Variants in GABRB1 observed in about 807,000 individuals in gnomAD.
The protein encoded by GABRB1 is gamma-aminobutyric acid receptor subunit beta-1.
Under a neutral mutation model 51.6 loss-of-function variants are expected in GABRB1, and 17 were observed. That is an observed-to-expected ratio of 0.33 (90% CI 0.23 to 0.49). The LOEUF (loss-of-function observed/expected upper bound fraction) is 0.49, where lower values mean the gene tolerates loss of function less well. GABRB1 is among the 20% of genes least tolerant of loss of function. GABRB1 has a pLI of 0.99. For missense variants in GABRB1, 410 were observed against 600.6 expected, an observed-to-expected ratio of 0.68 and a Z score of 3.32; for synonymous variants, 247 against 218.9, an observed-to-expected ratio of 1.13 and a Z score of -1.14.
intron 4 of GABRB1, among the ~76,000 whole-genome samples, chr4:47,238,572 G>A (rs1721409340): frequency 6.6e-6 from 1 of 152,092 alleles, no homozygotes; most frequent in African/African-American, 2.4e-5. Context: ...AACATGCTCG[G>A]AAAATCCAGT....
chr4:47,156,950 A>G (rs1319333944), intron 3 of GABRB1, among the ~76,000 whole-genome samples: 1 of 152,144 alleles, frequency 6.6e-6, no homozygotes, highest in Non-Finnish European at 1.5e-5. Context: ...CCTGGGTGAC[A>G]GAGCAAGACT....
At position 47,330,391 on chromosome 4, in the gene GABRB1, C is replaced by A. The variant is rs566632515; in HGVS notation, c.544+10182C>A. 2.2e-4 allele frequency among the ~76,000 whole-genome samples: 33 copies of A among 152,252 alleles called. 1 individual carries two copies. In the South Asian group the frequency reaches 6.8e-3, roughly 32 times the overall value. ...TGCTAGATTTGAACCCATTCAATTC[C>A]ATTTAATTCAACTAGCACTTCTTAA... On this transcript the variant is annotated intron_variant, in intron 5 of 8. Transcript: ENST00000295454.
At chr4:47,075,346 G>A (rs150229945) in intron 3 of GABRB1, among the ~76,000 whole-genome samples, 29 of 152,214 alleles carry the variant, frequency 1.9e-4, no homozygotes, top group African/African-American at 2.9e-4. Flanking sequence ...ACCGGATGCC[G>A]TTACAGTAAT....
At chr4:47,138,295 C>T (rs1236410231) in intron 3 of GABRB1, among the ~76,000 whole-genome samples, 5 of 151,936 alleles carry the variant, frequency 3.3e-5, no homozygotes, top group South Asian at 2.1e-4. Context: ...TGGCTTTTAT[C>T]GATTTGTATC....
chr4:47,034,766 G>T (rs1336278550), intron 3 of GABRB1, among the ~76,000 whole-genome samples: 1 of 152,068 alleles, frequency 6.6e-6, no homozygotes, highest in Non-Finnish European at 1.5e-5. Flanking sequence ...TTAAAATTGA[G>T]GGTTCTGTAT....
intron 4 of GABRB1, among the ~76,000 whole-genome samples, chr4:47,238,127 T>G (rs1426268653): frequency 6.6e-6 from 1 of 152,044 alleles, no homozygotes; most frequent in Non-Finnish European, 1.5e-5. Flanking sequence ...ATGAAGGATA[T>G]TACAGGCAAA....
chr4:47,364,975 C>T (rs189710281), intron 5 of GABRB1, among the ~76,000 whole-genome samples: 8 of 152,222 alleles, frequency 5.3e-5, no homozygotes, highest in Non-Finnish European at 8.8e-5. Flanking sequence ...ACCATGGCAA[C>T]AAGAAATTCT....
intron 4 of GABRB1, among the ~76,000 whole-genome samples, chr4:47,180,064 G>A (rs188406667): frequency 6.6e-6 from 1 of 152,090 alleles, no homozygotes; most frequent in African/African-American, 2.4e-5. Context: ...TTAAGAGGAT[G>A]TCAATCTCTT....
chr4:47,119,510 CTTT>C (rs71195603), intron 3 of GABRB1, among the ~76,000 whole-genome samples: 10 of 139,180 alleles, frequency 7.2e-5, no homozygotes, highest in Non-Finnish European at 7.9e-5. Context: ...CTTTTTCTTT[CTTT>C]TTTTTTTTTT....
chr4:47,040,382 C>A (rs1725787510), intron 3 of GABRB1, among the ~76,000 whole-genome samples: 1 of 152,032 alleles, frequency 6.6e-6, no homozygotes, highest in South Asian at 2.1e-4. Context: ...CTAGTACTTT[C>A]CATAGGAATA....
intron 4 of GABRB1, among the ~76,000 whole-genome samples, chr4:47,270,348 A>G (rs1336527744): frequency 6.6e-6 from 1 of 152,188 alleles, no homozygotes; most frequent in Non-Finnish European, 1.5e-5. Flanking sequence ...AAGTGAGTAC[A>G]AATCAGAAGA....
intron 4 of GABRB1, among the ~76,000 whole-genome samples, chr4:47,290,874 T>A (rs562250573): frequency 6.6e-6 from 1 of 152,174 alleles, no homozygotes; most frequent in South Asian, 2.1e-4. Flanking sequence ...TTCAGTTTCA[T>A]AAGGGAAGCA....
At chr4:47,026,260 G>C (rs895162682) in intron 1 of GABRB1, among the ~76,000 whole-genome samples, 2 of 151,910 alleles carry the variant, frequency 1.3e-5, no homozygotes, top group African/African-American at 4.8e-5. Flanking sequence ...ACTTATTGTT[G>C]CATAGTTCTA....
chr4:47,345,950 C>G (rs1726072222), intron 5 of GABRB1, among the ~76,000 whole-genome samples: 1 of 151,988 alleles, frequency 6.6e-6, no homozygotes, highest in Non-Finnish European at 1.5e-5. Flanking sequence ...AGTTTTCCCA[C>G]AATGCCCCAC....
chr4:47,109,883 A>C (rs985302242), intron 3 of GABRB1, among the ~76,000 whole-genome samples: 1 of 152,058 alleles, frequency 6.6e-6, no homozygotes, highest in African/African-American at 2.4e-5. Context: ...CCCCAGAGCT[A>C]GTGTCATTGT....
At chr4:47,035,913 A>T (rs894219998) in intron 3 of GABRB1, among the ~76,000 whole-genome samples, 1 of 152,184 alleles carries the variant, frequency 6.6e-6, no homozygotes, top group Non-Finnish European at 1.5e-5. Context: ...TTTATTCAAG[A>T]GGTGGATCCT....
chr4:47,077,881 TTTTTATATATATTATATGTA>T (rs1727629518), intron 3 of GABRB1, among the ~76,000 whole-genome samples: 4 of 140,118 alleles, frequency 2.9e-5, no homozygotes, highest in South Asian at 2.1e-4. Flanking sequence ...ATTATATGTA[TTTTTATATATATTATATGTA>T]TTTTATATAT....
At chr4:47,090,687 A>T (rs1004903781) in intron 3 of GABRB1, among the ~76,000 whole-genome samples, 3 of 152,234 alleles carry the variant, frequency 2.0e-5, no homozygotes, top group African/African-American at 7.2e-5. Context: ...TTTAATAGCT[A>T]AACGTTAGAG....
chr4:47,086,400 C>T (rs1476545882), intron 3 of GABRB1, among the ~76,000 whole-genome samples: 1 of 152,006 alleles, frequency 6.6e-6, no homozygotes, highest in East Asian at 1.9e-4. Context: ...AATCAACCCC[C>T]CTTTAAAAAA....
Sources: allele counts gnomAD v4.1 joint callset (sites outside exome capture counted in the v4.1 genomes callset), GRCh38; gene constraint gnomAD v4.1.1; transcripts MANE v1.5; gene names NCBI Gene and HGNC (gene_info 2026-07-23, HGNC 2026-07-21).